ST3GAL5: variants seen among roughly 807,000 people sequenced by gnomAD.
ST3GAL5 encodes ST3 beta-galactoside alpha-2,3-sialyltransferase 5, also known as lactosylceramide alpha-2,3-sialyltransferase.
Under a neutral mutation model 46.1 loss-of-function variants are expected in ST3GAL5, and 25 were observed. The observed-to-expected ratio is 0.54, with a 90% CI of 0.40 to 0.76. The LOEUF (loss-of-function observed/expected upper bound fraction) is 0.76, where lower values mean the gene tolerates loss of function less well. Among genes scored for constraint, ST3GAL5 ranks in the 30% least tolerant of loss-of-function variants. The pLI is 0.00. For synonymous variants in ST3GAL5, 182 were observed against 192.7 expected, an observed-to-expected ratio of 0.94 and a Z score of 0.46; for missense variants, 431 against 521.2, an observed-to-expected ratio of 0.83 and a Z score of 1.69.
chr2:85,851,396 C>T (rs1683486740), intron 3 of ST3GAL5: 1 of 1,184,468 alleles, frequency 8.4e-7, no homozygotes, highest in Admixed American at 3.6e-5. Flanking sequence ...ACTCGTTTAA[C>T]AGATCTCCAC....
chr2:85,862,955 C>A (rs1344125886), intron 2 of ST3GAL5, among the ~76,000 whole-genome samples: 1 of 152,192 alleles, frequency 6.6e-6, no homozygotes, highest in East Asian at 1.9e-4. Context: ...CACCTGTCAT[C>A]ATTTTTAGTA....
intron 3 of ST3GAL5, chr2:85,860,918 G>A (rs887206650): frequency 8.7e-6 from 4 of 461,544 alleles, no homozygotes; most frequent in African/African-American, 7.9e-5. Flanking sequence ...TTCCAGGAGA[G>A]GAGCCCTAGA....
At position 85,863,267 on chromosome 2, in the gene ST3GAL5, A is replaced by G. The variant is rs1358756230; in HGVS notation, c.206+95T>C. ...CTTTGACCAAGCATGCCTCTCCAAC[A>G]TTAGCCATCTTGAGGGCTCTCACTG... On this transcript the variant is annotated intron_variant, in intron 2 of 6. Transcript: ENST00000638572. 3.7e-6 allele frequency: 6 copies of G among 1,605,460 alleles called. No individual in the cohort carries two copies. The African/African-American group carries it at 4.0e-5, about 11-fold the overall frequency.
intron 3 of ST3GAL5, chr2:85,848,496 T>C: frequency 9.3e-7 from 1 of 1,077,732 alleles, no homozygotes; most frequent in Non-Finnish European, 1.3e-6. Context: ...TCAAATACAT[T>C]TGGGGTGAAA....
intron 1 of ST3GAL5, among the ~76,000 whole-genome samples, chr2:85,868,436 G>A (rs1180389286): frequency 2.6e-5 from 4 of 151,754 alleles, no homozygotes; most frequent in African/African-American, 9.7e-5. Context: ...TGAGTAGCTG[G>A]GACTACAGGC....
At position 85,840,142 on chromosome 2, in the gene ST3GAL5, G is replaced by C. The variant is rs554948380; in HGVS notation, c.*2C>G. The C allele has an allele frequency of 1.2e-6, 2 of 1,614,060 alleles. No homozygotes were observed. The highest frequency in any genetic ancestry group is 1.7e-6 in the Non-Finnish European group (2 of 1,180,038). ...TGCATTTTCAACTGAGGTTTTCTGTGTTCAAAATTCACGATCAATGCCTCC... is the reference window on the plus strand; with the variant it reads ...TGCATTTTCAACTGAGGTTTTCTGTCTTCAAAATTCACGATCAATGCCTCC... On this transcript the variant is annotated 3_prime_UTR_variant, in exon 7 of 7. Coordinates refer to ENST00000638572, the MANE Select transcript of ST3GAL5 (RefSeq NM_003896.4).
intron 1 of ST3GAL5, among the ~76,000 whole-genome samples, chr2:85,881,286 GT>G (rs983840864): frequency 6.6e-5 from 10 of 152,192 alleles, no homozygotes; most frequent in African/African-American, 2.4e-4. Flanking sequence ...TTTATCAGCA[GT>G]GTGAAAATGG....
At chr2:85,867,647 G>C (rs771955163) in intron 1 of ST3GAL5, 1 of 780,986 alleles carries the variant, frequency 1.3e-6, no homozygotes, top group Non-Finnish European at 2.4e-6. Context: ...CAGGATAATG[G>C]TTGCCCATGC....
At chr2:85,850,926 T>C (rs1249842157) in intron 3 of ST3GAL5, 1 of 151,382 alleles carries the variant, frequency 6.6e-6, no homozygotes, top group African/African-American at 2.4e-5. Flanking sequence ...TTTTTCTTTT[T>C]TTTTTTTTGA....
chr2:85,843,873 T>G (rs1682443214), intron 6 of ST3GAL5, among the ~76,000 whole-genome samples: 1 of 152,090 alleles, frequency 6.6e-6, no homozygotes, highest in African/African-American at 2.4e-5. Flanking sequence ...CACAAAACAA[T>G]TAGAATGTCT....
intron 6 of ST3GAL5, among the ~76,000 whole-genome samples, chr2:85,840,965 A>AAAAAAAAAC (rs1681985726): frequency 6.7e-6 from 1 of 148,496 alleles, no homozygotes; most frequent in African/African-American, 2.5e-5. Flanking sequence ...AAAAAAAAAA[A>AAAAAAAAAC]AGGCATTCCT....
intron 2 of ST3GAL5, among the ~76,000 whole-genome samples, chr2:85,862,802 A>C (rs1325917147): frequency 6.6e-6 from 1 of 152,184 alleles, no homozygotes; most frequent in Non-Finnish European, 1.5e-5. Context: ...CTAGATTGCA[A>C]GGTTGGATTT....
At chr2:85,886,643 C>T (rs1687796757) in intron 1 of ST3GAL5, among the ~76,000 whole-genome samples, 1 of 152,156 alleles carries the variant, frequency 6.6e-6, no homozygotes, top group Non-Finnish European at 1.5e-5. Context: ...CTCCTGCTCC[C>T]TTACGCATTT....
chr2:85,875,200 G>C (rs775910673), intron 1 of ST3GAL5, among the ~76,000 whole-genome samples: 13 of 151,938 alleles, frequency 8.6e-5, no homozygotes, highest in Non-Finnish European at 1.8e-4. Context: ...TAGGACGATA[G>C]GTGTATACCA....
chr2:85,852,423 C>T (rs549913377), intron 3 of ST3GAL5, among the ~76,000 whole-genome samples: 2 of 152,246 alleles, frequency 1.3e-5, no homozygotes, highest in East Asian at 3.9e-4. Context: ...CACACAAGGA[C>T]AATAACTGAG....
Position 85,840,015 on chromosome 2 carries a change from T to C in ST3GAL5, c.*129A>G. On this transcript the variant is annotated 3_prime_UTR_variant, in exon 7 of 7. Coordinates refer to ENST00000638572, the MANE Select transcript of ST3GAL5 (RefSeq NM_003896.4). ...GGGAAGAGCTAAAATTTTTTTTGTG[T>C]TTTTAAATTAAAAGTTAAAAACATG... is the stretch of plus-strand genomic sequence containing the variant. 1 of 1,445,728 alleles carries C rather than the reference T, an allele frequency of 6.9e-7. No homozygotes were observed. Among genetic ancestry groups the C allele is most frequent in the Non-Finnish European group, 9.3e-7 (1 of 1,069,522 alleles). 89.6% of individuals were successfully genotyped at this position (1,445,728 alleles called of 1,614,324 possible).
Position 85,847,797 on chromosome 2 carries a change from AAAAAT to A in ST3GAL5, c.662+59_662+63del, listed in dbSNP as rs1682987353. The A allele has an allele frequency of 2.6e-6, 4 of 1,565,742 alleles. No individual in the cohort carries two copies. In the South Asian group the frequency reaches 3.5e-5, roughly 14 times the overall value. On this transcript the variant is annotated intron_variant, in intron 4 of 6. Transcript: ENST00000638572. ...ACAACAGGAGTGAGACCCTGCCTCA[AAAAAT>A]AAAATAAAATAAAAACAATAAAAAT...
intron 1 of ST3GAL5, among the ~76,000 whole-genome samples, chr2:85,871,219 G>A (rs893465277): frequency 2.0e-5 from 3 of 151,884 alleles, no homozygotes; most frequent in Non-Finnish European, 2.9e-5. Context: ...TTAATTTTTA[G>A]TAGAGACGAG....
At chr2:85,881,970 A>G (rs1429616759) in intron 1 of ST3GAL5, among the ~76,000 whole-genome samples, 1 of 152,230 alleles carries the variant, frequency 6.6e-6, no homozygotes, top group African/African-American at 2.4e-5. Flanking sequence ...AAGTGGTTTC[A>G]TGGGCTAGGC....
Sources: allele counts gnomAD v4.1 joint callset (sites outside exome capture counted in the v4.1 genomes callset), GRCh38; gene constraint gnomAD v4.1.1; transcripts MANE v1.5; gene names NCBI Gene and HGNC (gene_info 2026-07-23, HGNC 2026-07-21).